ZNF892: variants seen among roughly 807,000 people sequenced by gnomAD.
ZNF892 encodes zinc finger protein 892.
chr2:95,224,072 G>A, the ZNF892 span, among the ~76,000 whole-genome samples: 1 of 152,314 alleles, frequency 6.6e-6, no homozygotes, highest in African/African-American at 2.4e-5. Context: ...TAGAAAGTGG[G>A]TTCTCACTCA....
At chr2:95,233,343 G>C in the ZNF892 span, among the ~76,000 whole-genome samples, 1 of 151,238 alleles carries the variant, frequency 6.6e-6, no homozygotes, top group African/African-American at 2.4e-5. Flanking sequence ...GGGACTACAG[G>C]CACGTGCCAC....
At chr2:95,248,926 C>T in the ZNF892 span, among the ~76,000 whole-genome samples, 9 of 151,854 alleles carry the variant, frequency 5.9e-5, no homozygotes, top group African/African-American at 2.4e-5. Context: ...ACACATTCTA[C>T]TTTTTTGCAT....
the ZNF892 span, among the ~76,000 whole-genome samples, chr2:95,245,912 T>C: frequency 6.6e-6 from 1 of 152,074 alleles, no homozygotes; most frequent in Admixed American, 6.5e-5. Flanking sequence ...ACCAGACATA[T>C]TCACAGCTGA....
chr2:95,248,963 T>A, the ZNF892 span, among the ~76,000 whole-genome samples: 1 of 151,740 alleles, frequency 6.6e-6, no homozygotes, highest in South Asian at 2.1e-4. Flanking sequence ...GATTGATTGA[T>A]TGAATTGGGG....
the ZNF892 span, among the ~76,000 whole-genome samples, chr2:95,249,404 C>T: frequency 6.8e-5 from 10 of 147,700 alleles, no homozygotes; most frequent in African/African-American, 9.9e-5. Flanking sequence ...CCACTCCTGG[C>T]TATTTTTTTT....
At chr2:95,245,423 T>G in the ZNF892 span, among the ~76,000 whole-genome samples, 1 of 128,942 alleles carries the variant, frequency 7.8e-6, no homozygotes, top group African/African-American at 3.1e-5. Flanking sequence ...ATTTTTTGTA[T>G]TTTTTAGTAT....
chr2:95,260,997 C>T, the ZNF892 span, among the ~76,000 whole-genome samples: 1 of 152,206 alleles, frequency 6.6e-6, no homozygotes. Context: ...GGCATCCCTC[C>T]AACAGTGACC....
At chr2:95,234,497 T>C in the ZNF892 span, among the ~76,000 whole-genome samples, 1 of 152,204 alleles carries the variant, frequency 6.6e-6, no homozygotes, top group African/African-American at 2.4e-5. Flanking sequence ...CTGGCAGGGC[T>C]TCCCACTCGG....
the ZNF892 span, among the ~76,000 whole-genome samples, chr2:95,256,477 C>T: frequency 3.9e-5 from 6 of 152,270 alleles, no homozygotes; most frequent in East Asian, 1.9e-4. Context: ...GTGGGTAACC[C>T]GACTTTTCTC....
At chr2:95,228,473 A>G in the ZNF892 span, among the ~76,000 whole-genome samples, 6 of 152,198 alleles carry the variant, frequency 3.9e-5, no homozygotes, top group Non-Finnish European at 7.3e-5. Context: ...CAAGATGCCA[A>G]TTTGTCCTGT....
the ZNF892 span, among the ~76,000 whole-genome samples, chr2:95,210,139 A>ATGTATATATGTATATACG: frequency 1.3e-5 from 2 of 148,856 alleles, no homozygotes; most frequent in Non-Finnish European, 1.5e-5. Flanking sequence ...ATGTGTATAC[A>ATGTATATATGTATATACG]TGTATATATG....
At chr2:95,222,135 C>T in the ZNF892 span, among the ~76,000 whole-genome samples, 6 of 152,142 alleles carry the variant, frequency 3.9e-5, no homozygotes, top group South Asian at 2.1e-4. Context: ...CTCCCCACCC[C>T]GCATTGAGTA....
At chr2:95,259,825 T>C in the ZNF892 span, 1 of 152,296 alleles carries the variant, frequency 6.6e-6, no homozygotes, top group East Asian at 1.9e-4. Context: ...GGCTTCTCTG[T>C]AGAGGAGCAG....
the ZNF892 span, among the ~76,000 whole-genome samples, chr2:95,241,581 G>T: frequency 2.0e-5 from 3 of 152,156 alleles, no homozygotes; most frequent in Admixed American, 2.0e-4. Context: ...AAGCCAGAGT[G>T]CTTTGTCTCC....
At chr2:95,236,289 A>G in the ZNF892 span, among the ~76,000 whole-genome samples, 1 of 152,256 alleles carries the variant, frequency 6.6e-6, no homozygotes, top group African/African-American at 2.4e-5. Flanking sequence ...GGAGGAATCA[A>G]GTAGGAAGTA....
the ZNF892 span, chr2:95,215,565 T>TTA: frequency 2.7e-4 from 111 of 403,754 alleles, no homozygotes; most frequent in African/African-American, 2.1e-3. Context: ...TAGTGAGCAT[T>TTA]TAACCTTTGG....
the ZNF892 span, chr2:95,214,645 A>G: frequency 2.5e-6 from 1 of 401,134 alleles, no homozygotes; most frequent in Non-Finnish European, 4.4e-6. Flanking sequence ...AACTTAAAAC[A>G]AAATTCAGAT....
chr2:95,215,691 T>TG, the ZNF892 span: 1 of 397,678 alleles, frequency 2.5e-6, no homozygotes, highest in Non-Finnish European at 4.4e-6. Context: ...TTTAAGACTG[T>TG]GTTGCAAAAA....
chr2:95,220,575 C>A, the ZNF892 span, among the ~76,000 whole-genome samples: 1 of 152,054 alleles, frequency 6.6e-6, no homozygotes, highest in African/African-American at 2.4e-5. Flanking sequence ...TTAGTGAGAG[C>A]GATAGGAGAA....
Sources: allele counts gnomAD v4.1 joint callset (sites outside exome capture counted in the v4.1 genomes callset), GRCh38; gene constraint gnomAD v4.1.1; transcripts MANE v1.5; gene names NCBI Gene and HGNC (gene_info 2026-07-23, HGNC 2026-07-21).